The following MED16 variants were observed in gnomAD, a reference collection of about 807,000 sequenced individuals.
MED16 encodes the protein mediator of RNA polymerase II transcription subunit 16.
Under a neutral mutation model 84.4 loss-of-function variants are expected in MED16, and 81 were observed. That is an observed-to-expected ratio of 0.96 (90% CI 0.80 to 1.15). The LOEUF (loss-of-function observed/expected upper bound fraction) is 1.15, where lower values mean the gene tolerates loss of function less well. Ranked by LOEUF, MED16 falls within the 50% of genes most tolerant of loss-of-function variation. The pLI is 0.00. For missense variants in MED16, 1,585 were observed against 1,245.9 expected (o/e 1.27, Z -4.10); for synonymous variants, 897 against 552.2 (o/e 1.62, Z -8.76).
intron 2 of MED16, among the ~76,000 whole-genome samples, chr19:890,637 C>T (rs73505589): frequency 0.019 from 2,886 of 152,264 alleles, 80 homozygotes; most frequent in African/African-American, 0.065. Flanking sequence ...ACAGCCACCA[C>T]GCACCTTTCA....
At position 889,795 on chromosome 19, in the gene MED16, A is replaced by G. The variant is rs765838483; in HGVS notation, c.290T>C (p.Leu97Pro). ...LEWDQSGSRLLSADADGQIKC... is the reference protein window; with the variant it reads ...LEWDQSGSRLPSADADGQIKC... ...GATCTGCCCGTCGGCATCTGCTGAC[A>G]GGAGCCGGGAGCCTGAGGGCAAGAA... Residue 97 changes from leucine to proline, a missense_variant, in exon 4 of 16, where the codon CTG (leucine) becomes CCG (proline). Coordinates refer to ENST00000325464, the MANE Select transcript of MED16 (RefSeq NM_005481.3). The G allele has an allele frequency of 1.1e-5, 17 of 1,611,042 alleles. No homozygotes were observed. The highest frequency in any genetic ancestry group is 1.4e-5 in the Non-Finnish European group (17 of 1,179,134).
intron 10 of MED16, 116 bp from the exon 11 acceptor site, chr19:873,698 G>A (rs901476934): frequency 1.4e-5 from 17 of 1,244,052 alleles, no homozygotes; most frequent in Non-Finnish European, 1.9e-5. Flanking sequence ...AGGACACAAG[G>A]GGACCCACAC....
Position 877,169 on chromosome 19 carries a change from G to C in MED16, c.1365C>G (p.Leu455=). 6.2e-7 allele frequency: 1 copy of C among 1,609,452 alleles called. No homozygotes were observed. The highest frequency in any genetic ancestry group is 8.5e-7 in the Non-Finnish European group (1 of 1,178,872). ...GGTGGCCCATGGAAGGTGAGAGGCG[G>C]AGCACGCTCAGCTGCCAGAGACAGA... ...GIDSHGKLSV[L]RLSPSMGHPL... is the part of the protein sequence containing the mutation. Residue 455 remains leucine, a synonymous_variant, in exon 9 of 16, where the codon CTC becomes CTG. Coordinates refer to ENST00000325464, the MANE Select transcript of MED16 (RefSeq NM_005481.3).
intron 9 of MED16, among the ~76,000 whole-genome samples, chr19:876,423 T>A (rs756905239): frequency 1.3e-5 from 2 of 152,014 alleles, no homozygotes; most frequent in African/African-American, 2.4e-5. Context: ...CCACCGGGTG[T>A]GCATCCTGGT....
At chr19:892,658 T>C (rs1184655739) in intron 1 of MED16, 3 of 54,364 alleles carry the variant, frequency 5.5e-5, no homozygotes, top group Non-Finnish European at 1.9e-4. Context: ...CTATTCCCTC[T>C]CCAGGCCCCG....
At chr19:872,628 C>T (rs1026529421) in intron 11 of MED16, among the ~76,000 whole-genome samples, 3 of 142,618 alleles carry the variant, frequency 2.1e-5, no homozygotes, top group African/African-American at 8.0e-5. Flanking sequence ...GAAATCACAG[C>T]TGGGGCAGGA....
intron 6 of MED16, 136 bp downstream of exon 6, chr19:884,767 G>A (rs1384613011): frequency 8.9e-6 from 6 of 672,094 alleles, no homozygotes; most frequent in Non-Finnish European, 1.6e-5. Flanking sequence ...AGCACTACTG[G>A]AGATCGAGGC....
Position 885,856 on chromosome 19 carries a change from T to C in MED16, c.793A>G (p.Met265Val), listed in dbSNP as rs753438629. Reference sequence around the variant, plus strand: ...CGGTTGAGGTCGGTGGTGCAGCGCATGAACAGGGAGGGCAGGATCTCCGTG... The same window carrying C: ...CGGTTGAGGTCGGTGGTGCAGCGCACGAACAGGGAGGGCAGGATCTCCGTG... ...IDTEILPSLF[M>V]RCTTDLNRKD... Residue 265 changes from methionine to valine, a missense_variant, in exon 5 of 16, where the codon ATG (methionine) becomes GTG (valine). By Grantham distance (21) the Met-to-Val change is conservative. Transcript: ENST00000325464. 6.2e-7 allele frequency: 1 copy of C among 1,613,798 alleles called. No individual in the cohort carries two copies. The highest frequency in any genetic ancestry group is 8.5e-7 in the Non-Finnish European group (1 of 1,179,970).
chr19:872,774 G>C (rs1189357057), intron 11 of MED16: 2 of 186,322 alleles, frequency 1.1e-5, no homozygotes, highest in African/African-American at 4.8e-5. Context: ...GAGCTGGGGA[G>C]GGTAAGGGGT....
In MED16 at chr19:876,998, C is replaced by T. The variant is rs138736652; in HGVS notation, c.1536G>A (p.Thr512=). Residue 512 remains threonine, a synonymous_variant, in exon 9 of 16, where the codon ACG becomes ACA. Transcript: ENST00000325464. ...CCTGCTGCAGGGCAGCGGTCTGGCG[C>T]GTGTACTCCTCGTGCAGCTTCTCCA... is the stretch of plus-strand genomic sequence containing the variant. ...SLVEKLHEEY[T]RQTAALQQVL... The T allele has an allele frequency of 7.6e-5, 123 of 1,609,298 alleles. 1 individual carries two copies. The African/African-American group carries it at 1.3e-3, about 17-fold the overall frequency.
intron 10 of MED16, among the ~76,000 whole-genome samples, chr19:874,438 C>T (rs1160593561): frequency 1.3e-5 from 2 of 152,158 alleles, no homozygotes; most frequent in African/African-American, 4.8e-5. Context: ...AACAGCCTGC[C>T]AGGCACAGTG....
chr19:891,331 A>G (rs2036627673), intron 1 of MED16, among the ~76,000 whole-genome samples, 182 bp from the exon 2 acceptor site: 2 of 152,196 alleles, frequency 1.3e-5, no homozygotes, highest in Admixed American at 6.5e-5. Context: ...GGTCAGGGCC[A>G]GTCCTGGGCC....
intron 6 of MED16, among the ~76,000 whole-genome samples, chr19:883,518 G>A (rs1568330108): frequency 6.6e-6 from 1 of 152,128 alleles, no homozygotes; most frequent in Non-Finnish European, 1.5e-5. Context: ...GGGGAGAGAT[G>A]GGTGCGGTGG....
In MED16 at chr19:889,782, G is replaced by T. The variant is rs767032727; in HGVS notation, c.303C>A (p.Ala101=). ...TGCTCCAGCACTTGATCTGCCCGTC[G>T]GCATCTGCTGACAGGAGCCGGGAGC... is the stretch of plus-strand genomic sequence containing the variant. The part of the protein sequence containing the change: ...QSGSRLLSAD[A]DGQIKCWSMA... The change falls in exon 4 of 16, where the codon GCC becomes GCA. Residue 101 remains alanine, a synonymous_variant. Coordinates refer to ENST00000325464, the MANE Select transcript of MED16 (RefSeq NM_005481.3). 13 of 1,612,382 alleles carry T rather than the reference G, an allele frequency of 8.1e-6. No individual in the cohort carries two copies. Among genetic ancestry groups the T allele is most frequent in the South Asian group, 1.1e-5 (1 of 90,874 alleles).
intron 9 of MED16, 35 bp from the exon 10 acceptor site, chr19:875,489 G>T (rs747216565): frequency 6.5e-7 from 1 of 1,538,282 alleles, no homozygotes; most frequent in South Asian, 1.1e-5. Context: ...CCAAGGGGCC[G>T]GAGCAGAGGC....
intron 4 of MED16, among the ~76,000 whole-genome samples, chr19:887,332 T>G (rs1249544850): frequency 1.3e-5 from 2 of 152,096 alleles, no homozygotes; most frequent in African/African-American, 4.8e-5. Context: ...TGTCTGAGAC[T>G]ATGTTAAAGG....
At chr19:871,797 A>AGGGG (rs1568319333) in intron 12 of MED16, 129 bp downstream of exon 12, 1 of 74,728 alleles carries the variant, frequency 1.3e-5, no homozygotes, top group Non-Finnish European at 2.7e-5. Flanking sequence ...GAGCGGGGAG[A>AGGGG]AGGGAGAGCG....
At chr19:868,545 C>G (rs1471859165) in intron 14 of MED16, 46 bp from the exon 15 acceptor site, 2 of 1,598,942 alleles carry the variant, frequency 1.3e-6, no homozygotes, top group East Asian at 4.5e-5. Context: ...CCAGGCGGGC[C>G]TCCCTTACGC....
Position 879,830 on chromosome 19 carries a change from A to AC in MED16, c.1353+106dup, listed in dbSNP as rs2036373411. On this transcript the variant is annotated intron_variant, in intron 8 of 15. Transcript: ENST00000325464. ...GTCAATCCCCACCAGGGCCAGCCCCACGTGCCCCAGCAGCTCACCTTCCCC... is the reference window on the plus strand; with the variant it reads ...GTCAATCCCCACCAGGGCCAGCCCCACCGTGCCCCAGCAGCTCACCTTCCCC... 4.2e-6 allele frequency: 4 copies of AC among 950,878 alleles called. 1 individual carries two copies. 58.9% of individuals were successfully genotyped at this position (950,878 alleles called of 1,614,324 possible).
Sources: gnomAD v4.1 joint callset for allele counts (sites outside exome capture counted in the v4.1 genomes callset) on GRCh38, gnomAD v4.1.1 for gene constraint, MANE v1.5 for transcripts, NCBI Gene and HGNC (gene_info 2026-07-23, HGNC 2026-07-21) for gene names.